The following CACNB2 variants were observed in gnomAD, a reference collection of about 807,000 sequenced individuals.
CACNB2 encodes the protein voltage-dependent L-type calcium channel subunit beta-2.
In CACNB2, 42 loss-of-function variants were observed where a neutral mutation model predicts 73.3. The observed-to-expected ratio is 0.57, with a 90% CI of 0.45 to 0.74. The LOEUF (loss-of-function observed/expected upper bound fraction) is 0.74. Among genes scored for constraint, CACNB2 ranks in the 30% least tolerant of loss-of-function variants. The pLI is 0.00. For missense variants in CACNB2, 940 were observed against 853.0 expected, an observed-to-expected ratio of 1.10 and a Z score of -1.27; for synonymous variants, 348 against 310.3, an observed-to-expected ratio of 1.12 and a Z score of -1.28.
chr10:18,310,605 C>CAAAAAAAAAAAAAAAAAAAAAACA (rs2039920961), intron 2 of CACNB2, among the ~76,000 whole-genome samples: 1 of 36,860 alleles, frequency 2.7e-5, no homozygotes, highest in Non-Finnish European at 4.5e-5. Context: ...AACTCCATCT[C>CAAAAAAAAAAAAAAAAAAAAAACA]AAAAAAAAAA....
chr10:18,470,994 G>A (rs1455000172), intron 3 of CACNB2, among the ~76,000 whole-genome samples: 3 of 152,174 alleles, frequency 2.0e-5, no homozygotes, highest in East Asian at 3.9e-4. Context: ...CACAGCCATC[G>A]ATGTGGTCAA....
chr10:18,334,194 G>C (rs1217144718), intron 2 of CACNB2, among the ~76,000 whole-genome samples: 2 of 152,156 alleles, frequency 1.3e-5, no homozygotes, highest in African/African-American at 4.8e-5. Context: ...AGCAGGGGAT[G>C]GAAGGAAGTT....
intron 3 of CACNB2, among the ~76,000 whole-genome samples, chr10:18,481,595 G>T (rs1047764236): frequency 4.0e-5 from 6 of 151,834 alleles, no homozygotes; most frequent in African/African-American, 1.5e-4. Flanking sequence ...TGGCTTCTCA[G>T]AAGATAGTCC....
Position 18,539,880 on chromosome 10 carries a change from G to T in CACNB2, c.*156G>T. On this transcript the variant is annotated 3_prime_UTR_variant, in exon 14 of 14. Coordinates refer to ENST00000324631, the MANE Select transcript of CACNB2 (RefSeq NM_201596.3). ...CTGTTGCTTGAATAGCAATAGCATG[G>T]ATAGAGTATTGAGATACTTTTTCTT... The T allele has an allele frequency of 2.5e-6, 2 of 803,898 alleles. No homozygotes were observed. Among genetic ancestry groups the T allele is most frequent in the South Asian group, 3.7e-5 (2 of 54,652 alleles). The allele number at this position is 803,898 out of a possible 1,614,324, so 49.8% of individuals were successfully genotyped here.
At chr10:18,273,175 C>T (rs2038129143) in intron 2 of CACNB2, among the ~76,000 whole-genome samples, 2 of 152,154 alleles carry the variant, frequency 1.3e-5, no homozygotes, top group African/African-American at 4.8e-5. Flanking sequence ...GGTGAGTCAG[C>T]TCACCTCAAG....
intron 2 of CACNB2, among the ~76,000 whole-genome samples, chr10:18,245,210 A>G (rs1016451440): frequency 2.0e-5 from 3 of 152,160 alleles, no homozygotes; most frequent in Admixed American, 2.0e-4. Context: ...TAGCAAACAC[A>G]TACAGGCACA....
chr10:18,465,397 T>C (rs1396757055), intron 3 of CACNB2, among the ~76,000 whole-genome samples: 2 of 152,160 alleles, frequency 1.3e-5, no homozygotes. Context: ...TCATCCATGA[T>C]AGGATGTACT....
intron 3 of CACNB2, among the ~76,000 whole-genome samples, chr10:18,452,266 GAAA>G (rs981693830): frequency 4.6e-5 from 7 of 151,784 alleles, no homozygotes; most frequent in African/African-American, 1.7e-4. Context: ...TTACCAAATA[GAAA>G]AAAAATTGAA....
chr10:18,387,849 C>T (rs531024898), intron 2 of CACNB2, among the ~76,000 whole-genome samples: 2 of 152,108 alleles, frequency 1.3e-5, no homozygotes, highest in South Asian at 4.2e-4. Flanking sequence ...CTTCACCTCC[C>T]AGACTCAAGT....
At chr10:18,396,480 ATGAT>A (rs2043719903) in intron 2 of CACNB2, among the ~76,000 whole-genome samples, 1 of 151,988 alleles carries the variant, frequency 6.6e-6, no homozygotes, top group African/African-American at 2.4e-5. Flanking sequence ...ATTTTGATTG[ATGAT>A]TGATTGAGAC....
intron 2 of CACNB2, among the ~76,000 whole-genome samples, chr10:18,285,911 G>A (rs2038767954): frequency 6.6e-6 from 1 of 152,044 alleles, no homozygotes; most frequent in African/African-American, 2.4e-5. Context: ...TTTGTAGTCT[G>A]GTGAAGCCTA....
chr10:18,195,376 C>T (rs1284162589), intron 2 of CACNB2, among the ~76,000 whole-genome samples: 1 of 152,164 alleles, frequency 6.6e-6, no homozygotes, highest in Non-Finnish European at 1.5e-5. Flanking sequence ...CACATTGACC[C>T]ACCCCAGCTA....
chr10:18,221,326 G>A (rs2035784884), intron 2 of CACNB2, among the ~76,000 whole-genome samples: 2 of 152,150 alleles, frequency 1.3e-5, no homozygotes, highest in Admixed American at 6.5e-5. Flanking sequence ...ACTCACATCT[G>A]CTAATTCCTG....
At chr10:18,186,162 G>GT (rs776094388) in intron 2 of CACNB2, among the ~76,000 whole-genome samples, 1 of 152,162 alleles carries the variant, frequency 6.6e-6, no homozygotes, top group Non-Finnish European at 1.5e-5. Flanking sequence ...GCGCACACCT[G>GT]TAATCCCAGC....
intron 4 of CACNB2, among the ~76,000 whole-genome samples, chr10:18,499,891 A>G (rs1454620134): frequency 1.3e-5 from 2 of 151,572 alleles, no homozygotes; most frequent in African/African-American, 2.4e-5. Context: ...GGATTGATTG[A>G]GCCTGGAAAT....
At chr10:18,456,174 C>T (rs1249510884) in intron 3 of CACNB2, among the ~76,000 whole-genome samples, 1 of 152,110 alleles carries the variant, frequency 6.6e-6, no homozygotes, top group Non-Finnish European at 1.5e-5. Flanking sequence ...CCTTAAGAAA[C>T]TTCCTACTGA....
intron 2 of CACNB2, among the ~76,000 whole-genome samples, chr10:18,288,002 G>T (rs74621237): frequency 1.1e-4 from 16 of 152,144 alleles, no homozygotes; most frequent in Admixed American, 4.6e-4. Flanking sequence ...CTCCAATCAC[G>T]TGCTGTCTTC....
chr10:18,348,208 T>C (rs999956134), intron 2 of CACNB2, among the ~76,000 whole-genome samples: 1 of 152,216 alleles, frequency 6.6e-6, no homozygotes, highest in Non-Finnish European at 1.5e-5. Context: ...TGAGAAATCA[T>C]GAATTTCTGC....
chr10:18,483,531 C>CAAA (rs58945993), intron 3 of CACNB2, among the ~76,000 whole-genome samples: 3 of 115,170 alleles, frequency 2.6e-5, no homozygotes, highest in Non-Finnish European at 1.8e-5. Context: ...AACTCTGTCT[C>CAAA]AAAAAAAAAA....
Sources: allele counts gnomAD v4.1 joint callset (sites outside exome capture counted in the v4.1 genomes callset), GRCh38; gene constraint gnomAD v4.1.1; transcripts MANE v1.5; gene names NCBI Gene and HGNC (gene_info 2026-07-23, HGNC 2026-07-21).